Variants in HESX1 observed in about 807,000 individuals in gnomAD.
HESX1 encodes the protein homeobox expressed in ES cells 1.
HESX1 carries 11 observed loss-of-function variants against 22.5 expected under a neutral mutation model. The ratio of observed to expected loss-of-function variants is 0.49; its 90% CI spans 0.31 to 0.81. HESX1 has a LOEUF of 0.81. HESX1 is among the 30% of genes least tolerant of loss of function. HESX1 has a pLI of 0.05. For missense variants in HESX1, 201 were observed against 212.6 expected, an observed-to-expected ratio of 0.95 and a Z score of 0.34; for synonymous variants, 74 against 76.5, an observed-to-expected ratio of 0.97 and a Z score of 0.17.
chr3:57,216,274 T>G (rs1390310732), intron 1 of HESX1, among the ~76,000 whole-genome samples: 2 of 152,204 alleles, frequency 1.3e-5, no homozygotes, highest in African/African-American at 4.8e-5. Flanking sequence ...TCGACACTTT[T>G]CAAAGATTAC....
intron 2 of HESX1, 107 bp from the exon 3 acceptor site, chr3:57,198,599 T>A: frequency 9.7e-7 from 1 of 1,028,044 alleles, no homozygotes; most frequent in Non-Finnish European, 1.5e-6. Flanking sequence ...GATGCCTTTT[T>A]AAAAATGATT....
chr3:57,207,108 G>A (rs888802888), intron 1 of HESX1, among the ~76,000 whole-genome samples: 1 of 151,982 alleles, frequency 6.6e-6, no homozygotes, highest in African/African-American at 2.4e-5. Flanking sequence ...CCACCATGCC[G>A]GGCTAATTTT....
chr3:57,213,062 C>T (rs2060564913), intron 1 of HESX1, among the ~76,000 whole-genome samples: 1 of 152,086 alleles, frequency 6.6e-6, no homozygotes, highest in Non-Finnish European at 1.5e-5. Context: ...GACACACACA[C>T]ACACACACAC....
At chr3:57,212,512 T>C (rs1343648343) in intron 1 of HESX1, among the ~76,000 whole-genome samples, 3 of 127,744 alleles carry the variant, frequency 2.3e-5, no homozygotes, top group Admixed American at 1.0e-4. Flanking sequence ...TGGGCCAAGA[T>C]CACACCACTG....
intron 1 of HESX1, 135 bp from the exon 2 acceptor site, chr3:57,199,087 A>G (rs2060467182): frequency 1.3e-6 from 1 of 748,500 alleles, no homozygotes; most frequent in East Asian, 2.5e-5. Context: ...GCACCCCGTT[A>G]ACCAAAAACC....
intron 1 of HESX1, among the ~76,000 whole-genome samples, chr3:57,215,227 A>AAT (rs1010775363): frequency 2.8e-4 from 42 of 152,192 alleles, no homozygotes; most frequent in Non-Finnish European, 5.6e-4. Context: ...AATAGTTTAA[A>AAT]ATATATATAT....
intron 1 of HESX1, among the ~76,000 whole-genome samples, chr3:57,219,050 C>T (rs927213835): frequency 6.6e-6 from 1 of 152,156 alleles, no homozygotes. Context: ...TACAAGTGTT[C>T]CCTTTTCTCT....
intron 1 of HESX1, among the ~76,000 whole-genome samples, chr3:57,210,644 A>C (rs1329259202): frequency 6.6e-6 from 1 of 152,240 alleles, no homozygotes; most frequent in Non-Finnish European, 1.5e-5. Context: ...TAGACATTCA[A>C]TAAAATTTGT....
intron 1 of HESX1, among the ~76,000 whole-genome samples, chr3:57,213,616 G>A (rs2060567769): frequency 6.6e-6 from 1 of 152,344 alleles, no homozygotes; most frequent in South Asian, 2.1e-4. Context: ...GGGGATAAAT[G>A]TTATGGTTTT....
intron 1 of HESX1, among the ~76,000 whole-genome samples, chr3:57,199,431 C>CA (rs1321497554): frequency 4.6e-5 from 7 of 151,926 alleles, no homozygotes; most frequent in African/African-American, 1.7e-4. Flanking sequence ...CTAGCCTGAC[C>CA]AACAGGGTGA....
upstream of HESX1, among the ~76,000 whole-genome samples, chr3:57,204,538 C>T (rs1228152609): frequency 6.6e-6 from 1 of 152,148 alleles, no homozygotes; most frequent in Non-Finnish European, 1.5e-5. Flanking sequence ...GAGTAATGAA[C>T]ACCTCCAGTT....
intron 1 of HESX1, among the ~76,000 whole-genome samples, chr3:57,212,794 ATAT>A (rs1365083005): frequency 6.6e-6 from 1 of 152,014 alleles, no homozygotes; most frequent in Non-Finnish European, 1.5e-5. Context: ...ACATATGCAC[ATAT>A]TTTTTTTTAT....
intron 1 of HESX1, among the ~76,000 whole-genome samples, chr3:57,226,121 AGCTG>A (rs1454303692): frequency 1.3e-5 from 2 of 150,408 alleles, no homozygotes; most frequent in East Asian, 4.0e-4. Flanking sequence ...CAGGTGATCC[AGCTG>A]CCACGGCCTC....
At chr3:57,216,412 T>TA (rs1284269054) in intron 1 of HESX1, among the ~76,000 whole-genome samples, 1 of 152,118 alleles carries the variant, frequency 6.6e-6, no homozygotes, top group Non-Finnish European at 1.5e-5. Context: ...GCCCAGCAGT[T>TA]AGAGATCAGC....
chr3:57,227,214 C>A (rs2060651898), upstream of HESX1, among the ~76,000 whole-genome samples: 1 of 152,142 alleles, frequency 6.6e-6, no homozygotes. Context: ...TTCAAGCGTC[C>A]AGAAAAACAA....
At chr3:57,200,437 T>A (rs2060479145), upstream of HESX1, among the ~76,000 whole-genome samples, 1 of 152,250 alleles carries the variant, frequency 6.6e-6, no homozygotes, top group Non-Finnish European at 1.5e-5. Flanking sequence ...CTCTTAATGC[T>A]ATTACAGTAA....
chr3:57,217,205 G>A (rs892205427), intron 1 of HESX1, among the ~76,000 whole-genome samples: 30 of 152,086 alleles, frequency 2.0e-4, no homozygotes, highest in African/African-American at 6.3e-4. Context: ...GTTGCCATTG[G>A]GGGCATCTCT....
At chr3:57,209,322 C>T (rs1462465773) in intron 1 of HESX1, among the ~76,000 whole-genome samples, 1 of 152,124 alleles carries the variant, frequency 6.6e-6, no homozygotes, top group African/African-American at 2.4e-5. Context: ...CTGGATAGTG[C>T]TGGTCTAGAA....
upstream of HESX1, among the ~76,000 whole-genome samples, chr3:57,201,871 ATCTATATCTATCTATC>A (rs769693199): frequency 8.8e-4 from 125 of 142,206 alleles, 2 homozygotes; most frequent in East Asian, 4.7e-3. Context: ...ATATCTATCT[ATCTATATCTATCTATC>A]TATCTATCTA....
Sources: gnomAD v4.1 joint callset for allele counts (sites outside exome capture counted in the v4.1 genomes callset) on GRCh38, gnomAD v4.1.1 for gene constraint, MANE v1.5 for transcripts, NCBI Gene and HGNC (gene_info 2026-07-23, HGNC 2026-07-21) for gene names.